Variants in TRIM24 observed in about 807,000 individuals in gnomAD.
TRIM24 encodes the protein tripartite motif containing 24, also known as transcription intermediary factor 1-alpha.
In TRIM24, 29 loss-of-function variants were observed where a neutral mutation model predicts 123.9. The observed-to-expected ratio is 0.23, with a 90% CI of 0.17 to 0.32. The LOEUF is 0.32. TRIM24 is among the 10% of genes least tolerant of loss of function. TRIM24 has a pLI of 1.00. For missense variants in TRIM24, 932 were observed against 1,295.3 expected (o/e 0.72, Z 4.31); for synonymous variants, 456 against 461.1 (o/e 0.99, Z 0.14).
intron 1 of TRIM24, among the ~76,000 whole-genome samples, chr7:138,463,989 C>CATTTTTTTTTTTTTTTTTTTTTT (rs1554429651): frequency 3.9e-5 from 2 of 50,764 alleles, no homozygotes; most frequent in African/African-American, 1.6e-4. Context: ...AAAATTTAGA[C>CATTTTTTTTTTTTTTTTTTTTTT]TTTTTTTTTT....
intron 7 of TRIM24, among the ~76,000 whole-genome samples, chr7:138,543,263 A>T (rs1210123682): frequency 6.6e-6 from 1 of 152,250 alleles, no homozygotes; most frequent in Non-Finnish European, 1.5e-5. Context: ...AAATAGGAGC[A>T]GTGAATCATA....
intron 1 of TRIM24, chr7:138,490,982 A>C (rs1281040918): frequency 7.1e-6 from 2 of 282,924 alleles, no homozygotes; most frequent in Non-Finnish European, 1.4e-5. Flanking sequence ...AATCATAAGT[A>C]GTAGTCTTGA....
intron 9 of TRIM24, among the ~76,000 whole-genome samples, chr7:138,566,001 T>C (rs1191752615): frequency 6.6e-6 from 1 of 152,188 alleles, no homozygotes; most frequent in Non-Finnish European, 1.5e-5. Context: ...TGAGGGGGTG[T>C]TGGGAGAGTC....
chr7:138,532,043 C>T (rs1036090537), intron 6 of TRIM24, among the ~76,000 whole-genome samples: 1 of 152,088 alleles, frequency 6.6e-6, no homozygotes, highest in Non-Finnish European at 1.5e-5. Flanking sequence ...ATATCCTTTG[C>T]CCACTTTTTG....
intron 2 of TRIM24, among the ~76,000 whole-genome samples, chr7:138,508,766 A>G (rs907232371): frequency 1.1e-4 from 16 of 146,698 alleles, no homozygotes; most frequent in African/African-American, 1.5e-4. Flanking sequence ...TGAGTCTGCA[A>G]TAGTCATTGC....
At chr7:138,553,870 G>T (rs1797261788) in intron 8 of TRIM24, among the ~76,000 whole-genome samples, 1 of 152,132 alleles carries the variant, frequency 6.6e-6, no homozygotes, top group Non-Finnish European at 1.5e-5. Context: ...CCATGTTTGA[G>T]AGGCCCAAGA....
chr7:138,491,215 C>G, intron 1 of TRIM24: 1 of 239,032 alleles, frequency 4.2e-6, no homozygotes, highest in South Asian at 6.4e-5. Context: ...ATTTTTGTTC[C>G]TTGGTTTTGG....
At chr7:138,578,112 T>A (rs1797802366) in intron 14 of TRIM24, among the ~76,000 whole-genome samples, 1 of 152,048 alleles carries the variant, frequency 6.6e-6, no homozygotes, top group Non-Finnish European at 1.5e-5. Flanking sequence ...GCTTCAACAG[T>A]ATTGAGAATC....
At chr7:138,523,263 G>A (rs1000268314) in intron 4 of TRIM24, among the ~76,000 whole-genome samples, 1 of 152,092 alleles carries the variant, frequency 6.6e-6, no homozygotes, top group African/African-American at 2.4e-5. Context: ...AAGATAAAAA[G>A]GATATCTGTC....
At chr7:138,525,702 C>T (rs1479262469) in intron 5 of TRIM24, among the ~76,000 whole-genome samples, 1 of 151,974 alleles carries the variant, frequency 6.6e-6, no homozygotes, top group Non-Finnish European at 1.5e-5. Context: ...TTGAATAAAC[C>T]CTTAATTGTT....
chr7:138,564,776 C>T (rs900164195), intron 9 of TRIM24, among the ~76,000 whole-genome samples: 2 of 152,188 alleles, frequency 1.3e-5, no homozygotes, highest in African/African-American at 4.8e-5. Flanking sequence ...TTCTATTTCA[C>T]AGAGTTCTCA....
chr7:138,533,587 C>T (rs1337942049), intron 6 of TRIM24, among the ~76,000 whole-genome samples: 2 of 152,168 alleles, frequency 1.3e-5, no homozygotes, highest in Non-Finnish European at 2.9e-5. Flanking sequence ...GGTGAATAAG[C>T]TTTTTGATGT....
intron 1 of TRIM24, among the ~76,000 whole-genome samples, chr7:138,471,422 C>T (rs115295239): frequency 6.6e-6 from 1 of 152,032 alleles, no homozygotes; most frequent in South Asian, 2.1e-4. Context: ...AATGCCATAT[C>T]CTCTTTGACA....
At chr7:138,468,492 G>A (rs980498437) in intron 1 of TRIM24, among the ~76,000 whole-genome samples, 9 of 151,234 alleles carry the variant, frequency 6.0e-5, no homozygotes, top group East Asian at 1.9e-4. Context: ...TGTTTGAATG[G>A]TATATTTTTC....
At chr7:138,470,330 T>C (rs997662002) in intron 1 of TRIM24, among the ~76,000 whole-genome samples, 1 of 152,008 alleles carries the variant, frequency 6.6e-6, no homozygotes, top group South Asian at 2.1e-4. Flanking sequence ...AGGGTTTCAC[T>C]ATGTTGGTCA....
intron 1 of TRIM24, among the ~76,000 whole-genome samples, chr7:138,489,957 G>T (rs996225964): frequency 6.6e-6 from 1 of 152,148 alleles, no homozygotes; most frequent in Admixed American, 6.5e-5. Context: ...TTCCAGCTTG[G>T]TTCCATTCTC....
chr7:138,465,448 GT>G (rs1251687002), intron 1 of TRIM24, among the ~76,000 whole-genome samples: 13 of 152,204 alleles, frequency 8.5e-5, no homozygotes, highest in Admixed American at 2.6e-4. Context: ...CAAACTGGGA[GT>G]TTGAGAGCAG....
chr7:138,580,785 T>C, intron 16 of TRIM24, 91 bp downstream of exon 16: 3 of 1,190,978 alleles, frequency 2.5e-6, no homozygotes, highest in Non-Finnish European at 3.4e-6. Context: ...ATCCAGATTT[T>C]ATACTGATCC....
chr7:138,537,410 T>G (rs1340132423), intron 6 of TRIM24, among the ~76,000 whole-genome samples: 1 of 138,044 alleles, frequency 7.2e-6, no homozygotes, highest in Non-Finnish European at 1.6e-5. Context: ...TTTTTTTTTG[T>G]AAAGACGTGG....
Sources: allele counts gnomAD v4.1 joint callset (sites outside exome capture counted in the v4.1 genomes callset), GRCh38; gene constraint gnomAD v4.1.1; transcripts MANE v1.5; gene names NCBI Gene and HGNC (gene_info 2026-07-23, HGNC 2026-07-21).